Variants in SLC28A1 observed in about 807,000 individuals in gnomAD.
SLC28A1 encodes the protein sodium/nucleoside cotransporter 1.
In SLC28A1, 64 loss-of-function variants were observed where a neutral mutation model predicts 74.8. That is an observed-to-expected ratio of 0.86 (90% CI 0.70 to 1.05). SLC28A1 has a LOEUF of 1.05. Among genes scored for constraint, SLC28A1 ranks in the 50% least tolerant of loss-of-function variants. The probability of loss-of-function intolerance (pLI) is 0.00; values close to 1 mark genes in which losing one functional copy is unlikely to be tolerated. For synonymous variants in SLC28A1, 359 were observed against 335.0 expected (o/e 1.07, Z -0.78); for missense variants, 828 against 822.8 (o/e 1.01, Z -0.08).
chr15:84,958,772 T>G, the SLC28A1 span, among the ~76,000 whole-genome samples: 1 of 152,056 alleles, frequency 6.6e-6, no homozygotes, highest in Non-Finnish European at 1.5e-5. Flanking sequence ...CCCAGGATGG[T>G]CTCAAAATTT....
intron 1 of SLC28A1, chr15:84,886,122 C>G: frequency 1.0e-6 from 1 of 985,130 alleles, no homozygotes; most frequent in South Asian, 4.7e-5. Flanking sequence ...CTTTGCACAC[C>G]GTTGGCTTAG....
In SLC28A1 at chr15:84,888,807, C is replaced by G. The variant is rs17215892; in HGVS notation, c.132C>G (p.Pro44=). ...AGCTCCCTAGGAGTGACTTGAGCCC[C>G]GCAGAGATCAGGAGCAGCTGGAGCG... is the stretch of plus-strand genomic sequence containing the variant. ...EGQLPRSDLS[P]AEIRSSWSEA... is the part of the protein sequence containing the mutation. Residue 44 remains proline (P), a synonymous_variant, in exon 4 of 19, where the codon CCC becomes CCG. Coordinates refer to ENST00000394573, the MANE Select transcript of SLC28A1 (RefSeq NM_004213.5). The G allele has an allele frequency of 1.4e-4, 216 of 1,554,896 alleles. No individual in the cohort carries two copies. In the African/African-American group the frequency reaches 2.4e-3, roughly 17 times the overall value.
intron 6 of SLC28A1, among the ~76,000 whole-genome samples, chr15:84,902,117 C>T (rs747292338): frequency 1.2e-4 from 19 of 152,104 alleles, no homozygotes; most frequent in Non-Finnish European, 2.2e-4. Context: ...AAAAAGGACA[C>T]GTACTGTATG....
At position 84,935,480 on chromosome 15, in the gene SLC28A1, G is replaced by A; in HGVS notation, c.1543G>A (p.Ala515Thr). ...GTACAAGCAACGCCGCCTGGCAGGGGCCGAGGAGTGGGTCGGCGACAGGAA... is the reference window on the plus strand; with the variant it reads ...GTACAAGCAACGCCGCCTGGCAGGGACCGAGGAGTGGGTCGGCGACAGGAA... Reference protein sequence around the residue: ...SKYKQRRLAGAEEWVGDRKQW... With the variant: ...SKYKQRRLAGTEEWVGDRKQW... The change falls in exon 15 of 19, where the codon GCC becomes ACC. Residue 515 changes from alanine to threonine, a missense_variant. By Grantham distance (58) the Ala-to-Thr change is moderately conservative (BLOSUM62 0). This residue lies in a region of SLC28A1 where 767 missense variants were observed against 753.5 expected (regional missense o/e 1.02). Transcript: ENST00000394573. 1 of 1,614,092 alleles carries A rather than the reference G, an allele frequency of 6.2e-7. No homozygotes were observed.
At chr15:84,961,740 G>T in the SLC28A1 span, among the ~76,000 whole-genome samples, 1 of 152,118 alleles carries the variant, frequency 6.6e-6, no homozygotes, top group Non-Finnish European at 1.5e-5. Flanking sequence ...GTTTAAGGTG[G>T]TCCAAGTACT....
At chr15:84,938,752 AG>A (rs1972274289) in intron 15 of SLC28A1, among the ~76,000 whole-genome samples, 1 of 148,334 alleles carries the variant, frequency 6.7e-6, no homozygotes, top group Non-Finnish European at 1.5e-5. Context: ...GAAAACAACA[AG>A]AAAAAAAAAA....
intron 5 of SLC28A1, among the ~76,000 whole-genome samples, chr15:84,893,743 C>T (rs780238398): frequency 6.6e-5 from 10 of 152,178 alleles, no homozygotes; most frequent in African/African-American, 9.7e-5. Flanking sequence ...AGACTAGTTC[C>T]GCTGTTTTGG....
At chr15:84,909,536 T>A (rs1262140688) in intron 9 of SLC28A1, among the ~76,000 whole-genome samples, 2 of 152,240 alleles carry the variant, frequency 1.3e-5, no homozygotes, top group Non-Finnish European at 1.5e-5. Context: ...CTGGTGGGAC[T>A]GCTTCACTGT....
rs1969700366 is a variant in SLC28A1, at chr15:84,920,625, C to T, written c.877-364C>T. Among the ~76,000 whole-genome samples the T allele has an allele frequency of 3.9e-5, 6 of 151,992 alleles. No homozygotes were observed. In the South Asian group the frequency reaches 1.2e-3, roughly 32 times the overall value. On this transcript the variant is annotated intron_variant, in intron 10 of 18. Coordinates refer to ENST00000394573, the MANE Select transcript of SLC28A1 (RefSeq NM_004213.5). ...TAGGGAAACTAGGCTAGACATTATGCTATGAAAATTTAAATAGGCTTAATG... is the reference window on the plus strand; with the variant it reads ...TAGGGAAACTAGGCTAGACATTATGTTATGAAAATTTAAATAGGCTTAATG...
In SLC28A1 at chr15:84,918,508, A is replaced by G; in HGVS notation, c.796-16A>G. 6.2e-7 allele frequency: 1 copy of G among 1,610,122 alleles called. No homozygotes were observed. Among genetic ancestry groups the G allele is most frequent in the African/African-American group, 1.3e-5 (1 of 74,862 alleles). On this transcript the variant is annotated splice_polypyrimidine_tract_variant and intron_variant, in intron 9 of 18. Transcript: ENST00000394573. The stretch of plus-strand genomic sequence containing the variant: ...CCTGCCTCTAACCTGCGGTCCTATG[A>G]TCTCCTTCCCGGCAGGTTCTGCCCA...
intron 15 of SLC28A1, 45 bp from the exon 16 acceptor site, chr15:84,943,400 C>T: frequency 7.1e-7 from 1 of 1,413,286 alleles, no homozygotes; most frequent in Non-Finnish European, 1.0e-6. Context: ...GTGCCCCAGG[C>T]CCATCTGAGG....
At chr15:84,917,362 G>T (rs1391820401) in intron 9 of SLC28A1, among the ~76,000 whole-genome samples, 1 of 152,112 alleles carries the variant, frequency 6.6e-6, no homozygotes, top group African/African-American at 2.4e-5. Context: ...CCTCCCCAAG[G>T]CACCTGCTGT....
intron 15 of SLC28A1, among the ~76,000 whole-genome samples, chr15:84,935,944 G>GTTTTTTTTTTTTTTTTTTTTTTTTTTT (rs1555456047): frequency 1.1e-5 from 1 of 90,106 alleles, no homozygotes. Flanking sequence ...GTTTTGGTTT[G>GTTTTTTTTTTTTTTTTTTTTTTTTTTT]GTTTTTGTTT....
chr15:84,962,241 A>C, the SLC28A1 span, among the ~76,000 whole-genome samples: 1 of 151,496 alleles, frequency 6.6e-6, no homozygotes, highest in Non-Finnish European at 1.5e-5. Flanking sequence ...TGCCCGGCTA[A>C]TTTTTCTTTT....
intron 5 of SLC28A1, among the ~76,000 whole-genome samples, chr15:84,894,183 G>C (rs183707607): frequency 6.5e-4 from 99 of 152,140 alleles, no homozygotes; most frequent in African/African-American, 2.3e-3. Context: ...ACCAGCCTGA[G>C]CAATATGGCG....
chr15:84,901,950 A>G (rs1015616139), intron 6 of SLC28A1, among the ~76,000 whole-genome samples: 1 of 152,208 alleles, frequency 6.6e-6, no homozygotes, highest in Non-Finnish European at 1.5e-5. Context: ...AAAACTGGAA[A>G]TCACCAAAAT....
At chr15:84,933,662 CTCT>C (rs1461296415) in intron 13 of SLC28A1, among the ~76,000 whole-genome samples, 4 of 152,046 alleles carry the variant, frequency 2.6e-5, no homozygotes, top group African/African-American at 7.2e-5. Flanking sequence ...GCTCAGATCT[CTCT>C]TCTTCTTCTT....
intron 12 of SLC28A1, among the ~76,000 whole-genome samples, chr15:84,928,305 A>C (rs569241955): frequency 1.8e-4 from 28 of 151,986 alleles, no homozygotes; most frequent in African/African-American, 6.3e-4. Context: ...CCTAACAAAC[A>C]AACCTTCCTT....
At chr15:84,950,358 CCTTTTTTT>C (rs1397175897), downstream of SLC28A1, among the ~76,000 whole-genome samples, 6,729 of 102,922 alleles carry the variant, frequency 0.065, 492 homozygotes, top group African/African-American at 0.25. Context: ...TCGCCAGTCT[CCTTTTTTT>C]TTTTTTTTTT....
Sources: gnomAD v4.1 joint callset for allele counts (sites outside exome capture counted in the v4.1 genomes callset) on GRCh38, gnomAD v4.1.1 for gene constraint, gnomAD v4.1.1 regional missense constraint, MANE v1.5 for transcripts, NCBI Gene and HGNC (gene_info 2026-07-23, HGNC 2026-07-21) for gene names.